The following FANCD2 variants were observed in gnomAD, a reference collection of about 807,000 sequenced individuals.
The protein encoded by FANCD2 is Fanconi anemia group D2 protein.
Under a neutral mutation model 192.3 loss-of-function variants are expected in FANCD2, and 131 were observed. That is an observed-to-expected ratio of 0.68 (90% CI 0.59 to 0.79). FANCD2 has a LOEUF of 0.79. Among genes scored for constraint, FANCD2 ranks in the 30% least tolerant of loss-of-function variants. The pLI, the probability that FANCD2 is intolerant of heterozygous loss-of-function variation, is 0.00. For missense variants in FANCD2, 1,508 were observed against 1,701.6 expected, an observed-to-expected ratio of 0.89 and a Z score of 2.00; for synonymous variants, 524 against 612.5, an observed-to-expected ratio of 0.86 and a Z score of 2.13.
chr3:10,084,173 T>C (rs970596925), intron 32 of FANCD2, among the ~76,000 whole-genome samples: 3 of 151,994 alleles, frequency 2.0e-5, no homozygotes, highest in Non-Finnish European at 4.4e-5. Flanking sequence ...TTTGTATTTT[T>C]AGTAGAGACG....
At chr3:10,077,963 G>C in intron 29 of FANCD2, 118 bp from the exon 30 acceptor site, 1 of 784,324 alleles carries the variant, frequency 1.3e-6, no homozygotes, top group Non-Finnish European at 2.3e-6. Flanking sequence ...GGGCCCAGGA[G>C]TTCAAGGCTG....
rs534038231 is a variant in FANCD2 at position 10,064,775 on chromosome 3, G to A, written c.2068G>A (p.Asp690Asn). The A allele has an allele frequency of 2.2e-5, 35 of 1,614,064 alleles. No homozygotes were observed. The East Asian group carries it at 6.5e-4, about 30-fold the overall frequency. Residue 690 changes from aspartate to asparagine, a missense_variant, in exon 23 of 44, where the codon GAC (aspartate) becomes AAC (asparagine). Physicochemically the swap from Asp to Asn is conservative, Grantham distance 23. This residue lies in a region of FANCD2 where 59 missense variants were observed against 111.9 expected (regional missense o/e 0.53). Transcript: ENST00000675286. ...AGCACTGTACGGACTGGAAGAATAC[G>A]ACACTCAGGATGGGATTGCCATAAA... Reference protein sequence around the residue: ...VKALYGLEEYDTQDGIAINLL... With the variant: ...VKALYGLEEYNTQDGIAINLL...
intron 19 of FANCD2, among the ~76,000 whole-genome samples, chr3:10,061,508 A>G (rs2087566497): frequency 6.6e-6 from 1 of 152,168 alleles, no homozygotes; most frequent in Admixed American, 6.5e-5. Flanking sequence ...ACCTTGGGTA[A>G]GTTACTTTAT....
chr3:10,079,990 C>T (rs1693744530), intron 30 of FANCD2, among the ~76,000 whole-genome samples: 1 of 151,706 alleles, frequency 6.6e-6, no homozygotes, highest in Admixed American at 6.6e-5. Flanking sequence ...TCTTGGCTCA[C>T]TGCAACTTCC....
chr3:10,032,144 C>T (rs758938391), intron 2 of FANCD2, among the ~76,000 whole-genome samples: 6 of 151,994 alleles, frequency 3.9e-5, no homozygotes, highest in Non-Finnish European at 7.3e-5. Flanking sequence ...TGTGCTGGGT[C>T]GGAAATATGC....
intron 32 of FANCD2, chr3:10,083,487 T>G (rs1019434836): frequency 6.6e-6 from 1 of 152,126 alleles, no homozygotes; most frequent in Non-Finnish European, 1.5e-5. Context: ...TTTACAATGG[T>G]ACATCCATAT....
At chr3:10,075,057 G>C (rs1693459795) in intron 29 of FANCD2, among the ~76,000 whole-genome samples, 1 of 152,060 alleles carries the variant, frequency 6.6e-6, no homozygotes, top group Non-Finnish European at 1.5e-5. Context: ...GTCCTATTTT[G>C]TGTTTGCCAC....
intron 29 of FANCD2, among the ~76,000 whole-genome samples, chr3:10,075,728 CTTTT>C (rs71052292): frequency 9.4e-6 from 1 of 106,634 alleles, no homozygotes; most frequent in Non-Finnish European, 1.8e-5. Context: ...AAATAGTATC[CTTTT>C]TTTTTTTTTT....
At chr3:10,040,151 C>T (rs2086830701) in intron 9 of FANCD2, 2 of 396,978 alleles carry the variant, frequency 5.0e-6, no homozygotes, top group African/African-American at 4.1e-5. Flanking sequence ...TCTCCTGCCT[C>T]AGCCTCCCAA....
intron 14 of FANCD2, 113 bp from the exon 15 acceptor site, chr3:10,046,467 A>G (rs879045383): frequency 1.9e-6 from 3 of 1,544,686 alleles, no homozygotes; most frequent in South Asian, 1.2e-5. Flanking sequence ...TGTGTGGAAC[A>G]AATGAGCATT....
At chr3:10,079,175 C>T (rs1693690096) in intron 30 of FANCD2, among the ~76,000 whole-genome samples, 1 of 151,552 alleles carries the variant, frequency 6.6e-6, no homozygotes, top group African/African-American at 2.4e-5. Context: ...ACCCAGGAGG[C>T]AGACGCTGCA....
intron 14 of FANCD2, among the ~76,000 whole-genome samples, chr3:10,045,270 G>A (rs112544276): frequency 0.035 from 5,252 of 152,066 alleles, 128 homozygotes; most frequent in African/African-American, 0.059. Flanking sequence ...CTGGGTTCAC[G>A]CCATTCTCCC....
chr3:10,026,818 G>A (rs1223373660), intron 1 of FANCD2, among the ~76,000 whole-genome samples: 1 of 152,168 alleles, frequency 6.6e-6, no homozygotes. Context: ...TTTTCCATCT[G>A]CAAGATGGCT....
At chr3:10,093,828 C>T (rs1694796397) in intron 39 of FANCD2, among the ~76,000 whole-genome samples, 1 of 152,188 alleles carries the variant, frequency 6.6e-6, no homozygotes, top group Admixed American at 6.5e-5. Context: ...GATGGTGCCC[C>T]ATTCTTGTCA....
chr3:10,093,463 T>C, intron 39 of FANCD2, 140 bp downstream of exon 39: 1 of 780,028 alleles, frequency 1.3e-6, no homozygotes, highest in Non-Finnish European at 2.3e-6. Context: ...GGGAAGGCAA[T>C]GGATGCATTT....
intron 12 of FANCD2, 68 bp downstream of exon 12, chr3:10,043,218 ATAC>A: frequency 2.7e-6 from 3 of 1,109,972 alleles, no homozygotes; most frequent in Non-Finnish European, 4.1e-6. Flanking sequence ...TTAGAGCTTA[ATAC>A]TACTACAAAT....
intron 2 of FANCD2, among the ~76,000 whole-genome samples, chr3:10,030,928 A>C (rs1475863254): frequency 6.6e-6 from 1 of 151,968 alleles, no homozygotes. Flanking sequence ...GTGAAGCTCC[A>C]ATGGTTGATT....
chr3:10,067,073 G>A, intron 25 of FANCD2, 136 bp from the exon 26 acceptor site: 2 of 690,102 alleles, frequency 2.9e-6, no homozygotes, highest in South Asian at 3.1e-5. Flanking sequence ...ATACCACGTT[G>A]TTGAGGACAG....
chr3:10,088,709 C>T (rs1694391405), intron 35 of FANCD2, 119 bp from the exon 36 acceptor site: 1 of 1,183,058 alleles, frequency 8.5e-7, no homozygotes, highest in Non-Finnish European at 1.3e-6. Flanking sequence ...TCCTCTGGTT[C>T]TGTTTTATAC....
Sources: gnomAD v4.1 joint callset for allele counts (sites outside exome capture counted in the v4.1 genomes callset) on GRCh38, gnomAD v4.1.1 for gene constraint, gnomAD v4.1.1 regional missense constraint, MANE v1.5 for transcripts, NCBI Gene and HGNC (gene_info 2026-07-23, HGNC 2026-07-21) for gene names.